Variants in STYK1 observed in about 807,000 individuals in gnomAD.
STYK1 encodes STY kinase 1.
Under a neutral mutation model 48.1 loss-of-function variants are expected in STYK1, and 46 were observed. The ratio of observed to expected loss-of-function variants is 0.96; its 90% CI spans 0.75 to 1.22. STYK1 has a LOEUF of 1.22. STYK1 is among the 50% of genes most tolerant of loss of function. The pLI, the probability that STYK1 is intolerant of heterozygous loss-of-function variation, is 0.00. For missense variants in STYK1, 527 were observed against 521.1 expected, an observed-to-expected ratio of 1.01 and a Z score of -0.11; for synonymous variants, 188 against 189.0, an observed-to-expected ratio of 0.99 and a Z score of 0.04.
intron 2 of STYK1, among the ~76,000 whole-genome samples, 165 bp downstream of exon 2, chr12:10,636,906 T>C (rs567266742): frequency 1.3e-5 from 2 of 152,152 alleles, no homozygotes; most frequent in South Asian, 2.1e-4. Context: ...AAGGGAGTCG[T>C]TTAAAGCCAT....
chr12:10,669,306 C>T (rs542628638), intron 1 of STYK1, among the ~76,000 whole-genome samples: 11 of 152,176 alleles, frequency 7.2e-5, no homozygotes, highest in African/African-American at 2.4e-4. Context: ...GTACATGGTA[C>T]CCAGGTTTCT....
At chr12:10,631,901 C>T (rs1947433320) in intron 4 of STYK1, among the ~76,000 whole-genome samples, 1 of 152,182 alleles carries the variant, frequency 6.6e-6, no homozygotes, top group Non-Finnish European at 1.5e-5. Context: ...TACATTTATT[C>T]ATTTATTCAA....
intron 1 of STYK1, among the ~76,000 whole-genome samples, chr12:10,670,783 T>A (rs1398512391): frequency 6.6e-6 from 1 of 150,998 alleles, no homozygotes; most frequent in East Asian, 1.9e-4. Flanking sequence ...ATTAGCTTAA[T>A]TTAACTATTC....
In STYK1 at chr12:10,620,138, G is replaced by C; in HGVS notation, c.*6C>G. ...TCATGCATGAATGTTTCTTGCCCGA[G>C]ACTCTTCAAAGCATGCTATAGTTGT... On this transcript the variant is annotated 3_prime_UTR_variant, in exon 11 of 11. Transcript: ENST00000075503. 6.2e-7 allele frequency: 1 copy of C among 1,614,160 alleles called. No homozygotes were observed. The highest frequency in any genetic ancestry group is 8.5e-7 in the Non-Finnish European group (1 of 1,180,020).
rs537296580 is a variant in STYK1, at chr12:10,620,317, G to C, written c.1096C>G (p.Arg366Gly). ...YSIMKSCWRW[R>G]EADRPSPREL... ...CTAGGTGAGGGGCGGTCAGCCTCAC[G>C]CCAGCGCCAGCAGGACTTCATGATA... Residue 366 changes from arginine (R) to glycine (G), a missense_variant, in exon 11 of 11, where the codon CGT (arginine) becomes GGT (glycine). Arg to Gly is a moderately radical substitution (Grantham distance 125). Transcript: ENST00000075503. 1 of 1,613,292 alleles carries C rather than the reference G, an allele frequency of 6.2e-7. No individual in the cohort carries two copies. The highest frequency in any genetic ancestry group is 8.5e-7 in the Non-Finnish European group (1 of 1,180,044).
At chr12:10,648,965 A>C (rs1030667809) in intron 1 of STYK1, among the ~76,000 whole-genome samples, 13 of 152,364 alleles carry the variant, frequency 8.5e-5, no homozygotes, top group Non-Finnish European at 1.6e-4. Context: ...TACATTTATG[A>C]AAAATAACTT....
intron 10 of STYK1, among the ~76,000 whole-genome samples, 189 bp downstream of exon 10, chr12:10,621,687 T>TATATATAATATATATGC (rs1256552034): frequency 1.3e-5 from 2 of 151,916 alleles, no homozygotes; most frequent in Non-Finnish European, 2.9e-5. Flanking sequence ...TATGTATATG[T>TATATATAATATATATGC]ATATATAATA....
chr12:10,655,358 T>C (rs1357195468), intron 1 of STYK1, among the ~76,000 whole-genome samples: 1 of 152,242 alleles, frequency 6.6e-6, no homozygotes, highest in Non-Finnish European at 1.5e-5. Flanking sequence ...AAGTTAGCTC[T>C]AAAAATTGTT....
At chr12:10,622,968 ACACATTTACCTCAATCACAAAAG>A (rs1865931473) in intron 8 of STYK1, among the ~76,000 whole-genome samples, 1 of 152,208 alleles carries the variant, frequency 6.6e-6, no homozygotes, top group African/African-American at 2.4e-5. Flanking sequence ...AACCACACAA[ACACATTTACCTCAATCACAAAAG>A]CACATTTACC....
intron 8 of STYK1, 77 bp downstream of exon 8, chr12:10,624,574 C>T (rs1947334363): frequency 1.5e-6 from 2 of 1,322,340 alleles, no homozygotes; most frequent in Non-Finnish European, 2.2e-6. Context: ...ACAGAATTGG[C>T]AACAGATCAA....
At chr12:10,623,191 C>T (rs1947316764) in intron 8 of STYK1, among the ~76,000 whole-genome samples, 1 of 152,106 alleles carries the variant, frequency 6.6e-6, no homozygotes, top group African/African-American at 2.4e-5. Context: ...AGGTATTTGC[C>T]TAAGCAATAT....
intron 1 of STYK1, among the ~76,000 whole-genome samples, chr12:10,658,092 G>A (rs958772250): frequency 2.6e-5 from 4 of 152,154 alleles, no homozygotes; most frequent in Non-Finnish European, 4.4e-5. Flanking sequence ...TGAACATATC[G>A]GCTAAAGTTA....
intron 1 of STYK1, among the ~76,000 whole-genome samples, chr12:10,663,712 T>C (rs930155724): frequency 5.5e-5 from 8 of 145,504 alleles, no homozygotes; most frequent in African/African-American, 2.0e-4. Context: ...TGCGTTCTCA[T>C]AAATTTTAGA....
chr12:10,631,358 C>T (rs191020609), intron 4 of STYK1, 50 bp from the exon 5 acceptor site: 75 of 1,592,216 alleles, frequency 4.7e-5, no homozygotes, highest in African/African-American at 4.3e-4. Context: ...CTGGGGATCC[C>T]GGAAAGCAGA....
At chr12:10,620,453 T>C (rs1865889743) in intron 10 of STYK1, 105 bp from the exon 11 acceptor site, 2 of 1,027,470 alleles carry the variant, frequency 1.9e-6, no homozygotes, top group South Asian at 1.5e-5. Context: ...AATTCTTTAA[T>C]TGTCTTCTGT....
At chr12:10,639,064 C>T (rs1011452307) in intron 1 of STYK1, among the ~76,000 whole-genome samples, 1 of 152,084 alleles carries the variant, frequency 6.6e-6, no homozygotes, top group African/African-American at 2.4e-5. Flanking sequence ...GGTAGCAGCC[C>T]CTAGCCTGAA....
chr12:10,627,787 T>G (rs1258635715), intron 6 of STYK1, 63 bp from the exon 7 acceptor site: 5 of 1,418,028 alleles, frequency 3.5e-6, no homozygotes, highest in Non-Finnish European at 4.9e-6. Flanking sequence ...GGAAAAGAAA[T>G]AAAGTTGGGC....
At chr12:10,655,883 T>C (rs1947712458) in intron 1 of STYK1, among the ~76,000 whole-genome samples, 1 of 152,224 alleles carries the variant, frequency 6.6e-6, no homozygotes, top group East Asian at 1.9e-4. Context: ...ATATGAGCTA[T>C]ACGTATATTT....
Position 10,631,319 on chromosome 12 carries a change from G to C in STYK1, c.188-11C>G. On this transcript the variant is annotated splice_polypyrimidine_tract_variant and intron_variant, in intron 4 of 10. Transcript: ENST00000075503. ...GAACAGGGGCAATGCCTAGAACAGA[G>C]AGATGATGTCAACCAGTTTTTCCCC... is the stretch of plus-strand genomic sequence containing the variant. 1.2e-6 allele frequency: 2 copies of C among 1,608,108 alleles called. No homozygotes were observed. The highest frequency in any genetic ancestry group is 1.1e-5 in the South Asian group (1 of 90,988).
Sources: allele counts gnomAD v4.1 joint callset (sites outside exome capture counted in the v4.1 genomes callset), GRCh38; gene constraint gnomAD v4.1.1; transcripts MANE v1.5; gene names NCBI Gene and HGNC (gene_info 2026-07-23, HGNC 2026-07-21).